GXYLT1: variants seen among roughly 807,000 people sequenced by gnomAD.
GXYLT1 encodes the protein glycosyltransferase 8 domain containing 3.
A neutral mutation model predicts 54.0 loss-of-function variants in GXYLT1; 29 were observed. That is an observed-to-expected ratio of 0.54 (90% CI 0.40 to 0.73). GXYLT1 has a LOEUF of 0.73. GXYLT1 is among the 30% of genes least tolerant of loss of function. The probability of loss-of-function intolerance (pLI) is 0.00; values close to 1 mark genes in which losing one functional copy is unlikely to be tolerated. For synonymous variants in GXYLT1, 176 were observed against 204.1 expected (o/e 0.86, Z 1.17); for missense variants, 490 against 553.4 (o/e 0.89, Z 1.15).
At chr12:42,090,157 G>A (rs1264160372) in intron 7 of GXYLT1, among the ~76,000 whole-genome samples, 1 of 150,996 alleles carries the variant, frequency 6.6e-6, no homozygotes, top group African/African-American at 2.5e-5. Flanking sequence ...AATAAAAACA[G>A]TGTCTCATTA....
intron 2 of GXYLT1, among the ~76,000 whole-genome samples, chr12:42,121,168 T>C (rs948490067): frequency 9.9e-5 from 15 of 152,230 alleles, no homozygotes; most frequent in African/African-American, 3.4e-4. Context: ...TACAGCATCA[T>C]GATTTAAGAA....
rs1268427174 is a variant in GXYLT1, at chr12:42,082,215, GT to G, written c.*5570del. On this transcript the variant is annotated 3_prime_UTR_variant, in exon 8 of 8. Transcript: ENST00000398675. ...ATTGAAATACCTGCAACCTTTTCCA[GT>G]TTGACTTCAGGAACAGGTGCAAACC... The G allele has an allele frequency of 6.6e-6, 1 of 152,156 alleles. No homozygotes were observed. Among genetic ancestry groups the G allele is most frequent in the East Asian group, 1.9e-4 (1 of 5,184 alleles). The allele number at this position is 152,156 out of a possible 1,614,324, so 9.4% of individuals were successfully genotyped here.
intron 4 of GXYLT1, among the ~76,000 whole-genome samples, chr12:42,108,534 C>T (rs1305823933): frequency 2.0e-5 from 3 of 152,082 alleles, no homozygotes; most frequent in Non-Finnish European, 4.4e-5. Flanking sequence ...CAAAAACTTA[C>T]AAAACCTACG....
At position 42,140,135 on chromosome 12, in the gene GXYLT1, C is replaced by T. The variant is rs1363949828; in HGVS notation, c.221+4291G>A. Among the ~76,000 whole-genome samples the T allele has an allele frequency of 5.9e-5, 8 of 135,076 alleles. No homozygotes were observed. In the East Asian group the frequency reaches 1.7e-3, roughly 29 times the overall value. The allele number at this position is 135,076 out of a possible 152,430, so 88.6% of individuals were successfully genotyped here. A position where few individuals can be genotyped will look rare whatever the true frequency, so the allele number is the denominator to read the frequency against. On this transcript the variant is annotated intron_variant, in intron 1 of 7. Transcript: ENST00000398675. ...GGCGGAGCTTGCAGTGAGCTGAGAT[C>T]GCACCACTGCACTGCAGCCTGAGTG...
At chr12:42,102,782 A>G (rs2065397294) in intron 5 of GXYLT1, among the ~76,000 whole-genome samples, 1 of 152,114 alleles carries the variant, frequency 6.6e-6, no homozygotes, top group Admixed American at 6.5e-5. Flanking sequence ...CAACACGGCA[A>G]ATACGATACT....
At chr12:42,099,137 C>G (rs528412253) in intron 5 of GXYLT1, among the ~76,000 whole-genome samples, 61 of 152,246 alleles carry the variant, frequency 4.0e-4, no homozygotes, top group African/African-American at 1.4e-3. Flanking sequence ...TACTGAAGAG[C>G]TGACAGATTC....
intron 2 of GXYLT1, among the ~76,000 whole-genome samples, chr12:42,123,852 CT>C (rs2065545451): frequency 6.6e-6 from 1 of 151,550 alleles, no homozygotes; most frequent in Non-Finnish European, 1.5e-5. Context: ...AAATGGAAAG[CT>C]TTTTTGCTTA....
intron 7 of GXYLT1, among the ~76,000 whole-genome samples, chr12:42,094,449 G>T (rs2065344702): frequency 6.6e-6 from 1 of 151,824 alleles, no homozygotes; most frequent in South Asian, 2.1e-4. Context: ...CTTCAGCTCG[G>T]TAATTCAAGA....
intron 7 of GXYLT1, among the ~76,000 whole-genome samples, chr12:42,096,129 A>C (rs2065354227): frequency 6.6e-6 from 1 of 152,308 alleles, no homozygotes; most frequent in African/African-American, 2.4e-5. Context: ...GAAGAATGGC[A>C]TGGAATTAGA....
At chr12:42,138,287 A>G (rs569913497) in intron 1 of GXYLT1, among the ~76,000 whole-genome samples, 1 of 152,222 alleles carries the variant, frequency 6.6e-6, no homozygotes, top group South Asian at 2.1e-4. Flanking sequence ...CGTCTCAAAT[A>G]AATAAATAAA....
At chr12:42,127,020 T>C (rs948431761) in intron 2 of GXYLT1, among the ~76,000 whole-genome samples, 2 of 152,172 alleles carry the variant, frequency 1.3e-5, no homozygotes, top group Non-Finnish European at 1.5e-5. Flanking sequence ...CACTGTATAA[T>C]AAATTAATTG....
At chr12:42,114,639 T>C (rs1365028095) in intron 3 of GXYLT1, among the ~76,000 whole-genome samples, 1 of 152,110 alleles carries the variant, frequency 6.6e-6, no homozygotes, top group Non-Finnish European at 1.5e-5. Context: ...CAATAATCAA[T>C]AGCTTACCAA....
intron 1 of GXYLT1, among the ~76,000 whole-genome samples, chr12:42,138,577 T>C (rs750864886): frequency 6.6e-6 from 1 of 152,094 alleles, no homozygotes; most frequent in African/African-American, 2.4e-5. Flanking sequence ...TTCCTATGCG[T>C]AATAAAGGTA....
chr12:42,092,758 G>C (rs1217947058), intron 7 of GXYLT1, among the ~76,000 whole-genome samples: 1 of 152,118 alleles, frequency 6.6e-6, no homozygotes, highest in East Asian at 1.9e-4. Flanking sequence ...AAAAAAAACT[G>C]TAAAGCAGGG....
chr12:42,105,681 T>C, intron 5 of GXYLT1, 137 bp downstream of exon 5: 2 of 609,100 alleles, frequency 3.3e-6, no homozygotes, highest in Non-Finnish European at 5.5e-6. Context: ...TAGATATTTA[T>C]ATTCTTCTAA....
Position 42,097,232 on chromosome 12 carries a change from T to C in GXYLT1, c.1161+210A>G, listed in dbSNP as rs540752701. 2.0e-5 allele frequency among the ~76,000 whole-genome samples: 3 copies of C among 152,034 alleles called. No homozygotes were observed. The South Asian group carries it at 6.2e-4, about 32-fold the overall frequency. ...TAATGTATGCAACTTACAATCAAAT[T>C]TAAGTTGAGTTTTCTGAAAAAACAA... On this transcript the variant is annotated intron_variant, in intron 7 of 7. Coordinates refer to ENST00000398675, the MANE Select transcript of GXYLT1 (RefSeq NM_173601.2).
Position 42,085,753 on chromosome 12 carries a change from G to A in GXYLT1, c.*2033C>T, listed in dbSNP as rs756111664. On this transcript the variant is annotated 3_prime_UTR_variant, in exon 8 of 8. Coordinates refer to ENST00000398675, the MANE Select transcript of GXYLT1 (RefSeq NM_173601.2). ...TAAGGACTGGCTATGAGATGAAGCC[G>A]AAGGACTGCTGCTGCCTCTGTTAGG... The A allele has an allele frequency of 5.3e-5, 8 of 152,280 alleles. No individual in the cohort carries two copies. In the East Asian group the frequency reaches 7.7e-4, roughly 15 times the overall value. The allele number at this position is 152,280 out of a possible 1,614,324, so 9.4% of individuals were successfully genotyped here. A position where few individuals can be genotyped will look rare whatever the true frequency, so the allele number is the denominator to read the frequency against.
At chr12:42,089,663 T>C (rs542977975) in intron 7 of GXYLT1, among the ~76,000 whole-genome samples, 1 of 152,298 alleles carries the variant, frequency 6.6e-6, no homozygotes, top group African/African-American at 2.4e-5. Flanking sequence ...CAAAAGTCCA[T>C]GCACTTAATT....
At chr12:42,135,419 G>A (rs767651294) in intron 1 of GXYLT1, among the ~76,000 whole-genome samples, 3 of 152,104 alleles carry the variant, frequency 2.0e-5, no homozygotes, top group East Asian at 1.9e-4. Context: ...ATGGTTTTTC[G>A]TATATTCAGA....
Sources: gnomAD v4.1 joint callset for allele counts (sites outside exome capture counted in the v4.1 genomes callset) on GRCh38, gnomAD v4.1.1 for gene constraint, MANE v1.5 for transcripts, NCBI Gene and HGNC (gene_info 2026-07-23, HGNC 2026-07-21) for gene names.